Variants in CATSPERQ observed in about 807,000 individuals in gnomAD.
CATSPERQ encodes the protein cation channel sperm-associated auxiliary subunit theta.
At chr8:144,353,746 C>G in the CATSPERQ span, 2 of 1,534,688 alleles carry the variant, frequency 1.3e-6, no homozygotes, top group African/African-American at 2.7e-5. Flanking sequence ...TCATCGTGTC[C>G]TGAGGAGGGC....
the CATSPERQ span, chr8:144,354,294 C>G: frequency 6.5e-7 from 1 of 1,534,386 alleles, no homozygotes; most frequent in Non-Finnish European, 8.7e-7. The surrounding 1 kb of genome is among the most constrained non-coding windows in gnomAD (Gnocchi z 4.6). Flanking sequence ...GCAGCATCCC[C>G]TTCCACAGTG....
chr8:144,353,853 C>A, the CATSPERQ span: 1 of 1,535,396 alleles, frequency 6.5e-7, no homozygotes, highest in Non-Finnish European at 8.7e-7. Flanking sequence ...GGAAGAAGCA[C>A]CTTCCGTGGG....
At chr8:144,353,503 T>G in the CATSPERQ span, 1 of 1,535,516 alleles carries the variant, frequency 6.5e-7, no homozygotes, top group Non-Finnish European at 8.7e-7. Context: ...TTCCGGGCGA[T>G]GTAACGGCCC....
the CATSPERQ span, chr8:144,353,395 G>T: frequency 9.1e-6 from 14 of 1,535,564 alleles, no homozygotes; most frequent in East Asian, 3.2e-4. Context: ...TGACCCATGG[G>T]GCTCTTGCCC....
At chr8:144,354,021 G>C in the CATSPERQ span, 2 of 1,535,494 alleles carry the variant, frequency 1.3e-6, no homozygotes, top group Non-Finnish European at 8.7e-7. This position sits in a 1 kb window ranked among gnomAD's most constrained non-coding sequence, Gnocchi z 4.6. Context: ...TGCGGCCCTG[G>C]ATGGAGAAGT....
At chr8:144,353,591 G>C in the CATSPERQ span, 3 of 1,479,060 alleles carry the variant, frequency 2.0e-6, no homozygotes, top group Non-Finnish European at 2.7e-6. Context: ...CCGTCCAGGC[G>C]TCTCCTTCCC....
At chr8:144,353,385 T>TGAC in the CATSPERQ span, 1 of 1,535,392 alleles carries the variant, frequency 6.5e-7, no homozygotes, top group Non-Finnish European at 8.7e-7. Flanking sequence ...GCTGGGCTTG[T>TGAC]GACCCATGGG....
chr8:144,354,210 G>C, the CATSPERQ span: 2 of 1,546,716 alleles, frequency 1.3e-6, no homozygotes, highest in African/African-American at 1.4e-5. The surrounding 1 kb of genome is among the most constrained non-coding windows in gnomAD (Gnocchi z 4.6). Context: ...GAGGAGGGCG[G>C]TGGGGGTCGG....
chr8:144,354,182 C>CG, the CATSPERQ span: 10 of 1,541,262 alleles, frequency 6.5e-6, no homozygotes, highest in African/African-American at 1.4e-4. The surrounding 1 kb of genome is among the most constrained non-coding windows in gnomAD (Gnocchi z 4.6). Context: ...CTGAGCGGCG[C>CG]GGGGCCGGCC....
the CATSPERQ span, chr8:144,353,978 C>T: frequency 7.2e-6 from 11 of 1,534,152 alleles, no homozygotes; most frequent in South Asian, 4.8e-5. Context: ...GCCAGGCGCA[C>T]GTAGACCAGA....
At chr8:144,353,790 C>T in the CATSPERQ span, 1 of 1,535,560 alleles carries the variant, frequency 6.5e-7, no homozygotes, top group Non-Finnish European at 8.7e-7. Context: ...CGTAGTGCTC[C>T]GACAGCTGCA....
the CATSPERQ span, chr8:144,353,302 G>C: frequency 1.8e-4 from 262 of 1,485,806 alleles, 2 homozygotes; most frequent in South Asian, 3.1e-3. Context: ...AGTGGGGCTG[G>C]GAGGTTACCG....
chr8:144,354,623 G>T, the CATSPERQ span: 1 of 1,525,708 alleles, frequency 6.6e-7, no homozygotes. The surrounding 1 kb of genome is among the most constrained non-coding windows in gnomAD (Gnocchi z 4.6). Flanking sequence ...GCACCGTTTG[G>T]CTCCTGCTGC....
At chr8:144,354,271 CTGA>C in the CATSPERQ span, 7,234 of 1,535,800 alleles carry the variant, frequency 4.7e-3, 21 homozygotes, top group Non-Finnish European at 5.7e-3. The surrounding 1 kb of genome is among the most constrained non-coding windows in gnomAD (Gnocchi z 4.6). Context: ...CAGGACCACG[CTGA>C]TGATGAAGAG....
chr8:144,354,145 T>C, the CATSPERQ span: 1 of 1,534,724 alleles, frequency 6.5e-7, no homozygotes. The surrounding 1 kb of genome is among the most constrained non-coding windows in gnomAD (Gnocchi z 4.6). Context: ...CTCTTGCTTC[T>C]GCACCTGCGG....
the CATSPERQ span, chr8:144,353,343 C>G: frequency 2.0e-6 from 3 of 1,526,772 alleles, no homozygotes; most frequent in East Asian, 4.9e-5. Flanking sequence ...GGGAGGCCCT[C>G]AGAGTCACAC....
the CATSPERQ span, chr8:144,354,064 C>A: frequency 2.0e-6 from 3 of 1,535,380 alleles, no homozygotes; most frequent in East Asian, 4.9e-5. This position sits in a 1 kb window ranked among gnomAD's most constrained non-coding sequence, Gnocchi z 4.6. Flanking sequence ...CAGCACCAGG[C>A]GGCGCCGCGG....
chr8:144,354,078 C>G, the CATSPERQ span: 2 of 1,535,292 alleles, frequency 1.3e-6, no homozygotes, highest in Non-Finnish European at 1.7e-6. This position sits in a 1 kb window ranked among gnomAD's most constrained non-coding sequence, Gnocchi z 4.6. Flanking sequence ...GCCGCGGCAG[C>G]GACGAGATCA....
At chr8:144,353,439 C>T in the CATSPERQ span, 13 of 1,535,878 alleles carry the variant, frequency 8.5e-6, no homozygotes, top group East Asian at 2.4e-5. Flanking sequence ...TGGCCAGTGG[C>T]GAACCACGTG....
Sources: gnomAD v4.1 joint callset for allele counts on GRCh38, gnomAD v4.1.1 for gene constraint, Gnocchi (gnomAD v3.1) non-coding constraint, MANE v1.5 for transcripts, NCBI Gene and HGNC (gene_info 2026-07-23, HGNC 2026-07-21) for gene names.